The following ASPSCR1 variants were observed in gnomAD, a reference collection of about 807,000 sequenced individuals.
The protein encoded by ASPSCR1 is tether containing UBX domain for GLUT4.
ASPSCR1 carries 55 observed loss-of-function variants against 68.9 expected under a neutral mutation model. The observed-to-expected ratio is 0.80, with a 90% CI of 0.64 to 1.00. The LOEUF (loss-of-function observed/expected upper bound fraction) is 1.00. Among genes scored for constraint, ASPSCR1 ranks in the 50% least tolerant of loss-of-function variants. The pLI, the probability that ASPSCR1 is intolerant of heterozygous loss-of-function variation, is 0.00. For synonymous variants in ASPSCR1, 352 were observed against 332.6 expected (o/e 1.06, Z -0.63); for missense variants, 765 against 762.2 (o/e 1.00, Z -0.04).
chr17:82,003,709 G>A (rs1172631079), intron 7 of ASPSCR1, among the ~76,000 whole-genome samples: 2 of 152,252 alleles, frequency 1.3e-5, no homozygotes, highest in African/African-American at 2.4e-5. Flanking sequence ...TCCCGCCTGC[G>A]TCCTTTGTGC....
In ASPSCR1 at chr17:81,996,565, G is replaced by A. The variant is rs1356078688; in HGVS notation, c.652G>A (p.Ala218Thr). 25 of 1,612,842 alleles carry A rather than the reference G, an allele frequency of 1.6e-5. No homozygotes were observed. Among genetic ancestry groups the A allele is most frequent in the Admixed American group, 3.3e-5 (2 of 59,956 alleles). Residue 218 changes from alanine (A) to threonine (T), a missense_variant, in exon 7 of 16, where the codon GCG becomes ACG. By Grantham distance (58) the Ala-to-Thr change is moderately conservative. Coordinates refer to ENST00000306739, the MANE Select transcript of ASPSCR1 (RefSeq NM_024083.4). The part of the protein sequence containing the change: ...SRGDLSRPED[A>T]DTSGPCCEHT... ...CGGCGACTTGAGCCGTCCGGAGGAC[G>A]CGGACACCTCAGGGCCCTGCTGCGA...
At position 81,983,871 on chromosome 17, in the gene ASPSCR1, T is replaced by A. The variant is rs2041878153; in HGVS notation, c.273+203T>A. On this transcript the variant is annotated intron_variant, in intron 3 of 15. Transcript: ENST00000306739. This position sits in a 1 kb window ranked among gnomAD's most constrained non-coding sequence, Gnocchi z 4.4. ...AAAATGAGCATCTCATGTTTTTTTT[T>A]TTTTGAGCTGGAGTCTCGCTCTGTC... Among the ~76,000 whole-genome samples the A allele has an allele frequency of 6.6e-6, 1 of 151,826 alleles. No homozygotes were observed. The highest frequency in any genetic ancestry group is 1.9e-4 in the East Asian group (1 of 5,150).
chr17:82,014,972 C>A, intron 12 of ASPSCR1: 1 of 1,321,218 alleles, frequency 7.6e-7, no homozygotes, highest in African/African-American at 1.5e-5. Flanking sequence ...CATCCTGGGA[C>A]AGTGCTGGTG....
At chr17:81,993,301 C>T (rs1369195411) in intron 4 of ASPSCR1, among the ~76,000 whole-genome samples, 1 of 152,142 alleles carries the variant, frequency 6.6e-6, no homozygotes, top group Non-Finnish European at 1.5e-5. Context: ...GCAAGCTCCA[C>T]CTCCTGGGTT....
At chr17:82,002,075 A>G (rs2042554789) in intron 7 of ASPSCR1, among the ~76,000 whole-genome samples, 1 of 126,988 alleles carries the variant, frequency 7.9e-6, no homozygotes, top group South Asian at 2.3e-4. Context: ...GGGCACAATT[A>G]CGGCTCACAG....
At chr17:81,984,847 A>G (rs1197705207) in intron 3 of ASPSCR1, among the ~76,000 whole-genome samples, 1 of 88,508 alleles carries the variant, frequency 1.1e-5, no homozygotes, top group African/African-American at 4.6e-5. Flanking sequence ...ACCCCTGCAC[A>G]CACCCCACAC....
At chr17:82,015,468 C>T (rs573970675) in intron 12 of ASPSCR1, 8 of 1,364,836 alleles carry the variant, frequency 5.9e-6, no homozygotes, top group Admixed American at 4.8e-5. Context: ...GAGTCCTGCC[C>T]GCCCCTTTCT....
At chr17:82,001,603 C>T (rs1268288913) in intron 7 of ASPSCR1, among the ~76,000 whole-genome samples, 1 of 152,176 alleles carries the variant, frequency 6.6e-6, no homozygotes, top group Non-Finnish European at 1.5e-5. Context: ...GGGGTGGATG[C>T]TCGCCACTGG....
At chr17:81,980,128 G>C (rs951326689) in intron 2 of ASPSCR1, among the ~76,000 whole-genome samples, 3 of 152,140 alleles carry the variant, frequency 2.0e-5, no homozygotes, top group Non-Finnish European at 2.9e-5. Context: ...GATTAGAGGT[G>C]CTCACCAACA....
At chr17:82,010,264 T>C (rs954633367) in intron 9 of ASPSCR1, among the ~76,000 whole-genome samples, 3 of 147,844 alleles carry the variant, frequency 2.0e-5, no homozygotes, top group African/African-American at 2.5e-5. Context: ...GCGTGGTGGC[T>C]CACGCCTGTA....
In ASPSCR1 at chr17:81,983,208, G is replaced by T. The variant is rs561407605; in HGVS notation, c.159-346G>T. ...GGGTCTGTGACACTCCAGCTTCCGCGAGTGCAGCAGTGTTCACGCCCCAGT... is the reference window on the plus strand; with the variant it reads ...GGGTCTGTGACACTCCAGCTTCCGCTAGTGCAGCAGTGTTCACGCCCCAGT... On this transcript the variant is annotated intron_variant, in intron 2 of 15. Coordinates refer to ENST00000306739, the MANE Select transcript of ASPSCR1 (RefSeq NM_024083.4). This position sits in a 1 kb window ranked among gnomAD's most constrained non-coding sequence, Gnocchi z 4.4. 3.2e-4 allele frequency among the ~76,000 whole-genome samples: 48 copies of T among 152,336 alleles called. No individual in the cohort carries two copies. The highest frequency in any genetic ancestry group is 1.0e-3 in the Admixed American group (16 of 15,288).
rs375570693 is a variant in ASPSCR1, at chr17:81,979,203, G to A, written c.122G>A (p.Arg41Gln). 38 of 1,613,988 alleles carry A rather than the reference G, an allele frequency of 2.4e-5. No individual in the cohort carries two copies. Among genetic ancestry groups the A allele is most frequent in the Middle Eastern group, 1.6e-4 (1 of 6,082 alleles). ...VLLQVLEDTC[R>Q]RQDFNPCEYD... is the part of the protein sequence containing the mutation. ...CCCCAGGTTCTGGAGGACACGTGCC[G>A]GCGGCAGGACTTCAACCCCTGTGAA... is the stretch of plus-strand genomic sequence containing the variant. The change falls in exon 2 of 16, where the codon CGG becomes CAG. Residue 41 changes from arginine to glutamine, a missense_variant. Transcript: ENST00000306739.
chr17:81,981,194 C>T (rs2041783757), intron 2 of ASPSCR1, among the ~76,000 whole-genome samples: 2 of 152,058 alleles, frequency 1.3e-5, no homozygotes, highest in African/African-American at 4.8e-5. Flanking sequence ...CAGATACCAG[C>T]CCAGGGGTCT....
chr17:81,979,100 C>A, intron 1 of ASPSCR1, 84 bp from the exon 2 acceptor site: 1 of 1,457,658 alleles, frequency 6.9e-7, no homozygotes, highest in Non-Finnish European at 9.6e-7. Context: ...CACCAGGAAG[C>A]TGAATGCCCT....
intron 10 of ASPSCR1, among the ~76,000 whole-genome samples, chr17:82,011,224 C>T (rs923491542): frequency 1.3e-5 from 2 of 151,868 alleles, no homozygotes; most frequent in Non-Finnish European, 2.9e-5. Context: ...GTGACCTGTA[C>T]CCAGACGGCC....
intron 12 of ASPSCR1, chr17:82,015,207 T>G: frequency 6.3e-7 from 1 of 1,598,246 alleles, no homozygotes; most frequent in Non-Finnish European, 8.5e-7. Context: ...GCTTCTTTTT[T>G]GGGGTCCATC....
In ASPSCR1 at chr17:81,999,221, C is replaced by T. The variant is rs1291638507; in HGVS notation, c.933+2375C>T. Among the ~76,000 whole-genome samples, 1 of 152,236 alleles carries T rather than the reference C, an allele frequency of 6.6e-6. No homozygotes were observed. Among genetic ancestry groups the T allele is most frequent in the Non-Finnish European group, 1.5e-5 (1 of 68,038 alleles). On this transcript the variant is annotated intron_variant, in intron 7 of 15. Transcript: ENST00000306739. This position sits in a 1 kb window ranked among gnomAD's most constrained non-coding sequence, Gnocchi z 4.4. Reference sequence around the variant, plus strand: ...GCCCCTGTGTCCCCTGAGGGCCAGGCTGCCAGCTGCCAGCCACAGCCCAGG... The same window carrying T: ...GCCCCTGTGTCCCCTGAGGGCCAGGTTGCCAGCTGCCAGCCACAGCCCAGG...
chr17:82,011,751 C>G, intron 11 of ASPSCR1, 146 bp downstream of exon 11: 1 of 888,824 alleles, frequency 1.1e-6, no homozygotes, highest in South Asian at 1.6e-5. Flanking sequence ...CTCCTGCAGC[C>G]CATGGTGTCT....
chr17:81,989,921 G>A (rs952104569), intron 4 of ASPSCR1, among the ~76,000 whole-genome samples: 1 of 152,210 alleles, frequency 6.6e-6, no homozygotes, highest in Non-Finnish European at 1.5e-5. Context: ...CTGAGTAGCT[G>A]GGATTACTGG....
Sources: gnomAD v4.1 joint callset for allele counts (sites outside exome capture counted in the v4.1 genomes callset) on GRCh38, gnomAD v4.1.1 for gene constraint, Gnocchi (gnomAD v3.1) non-coding constraint, MANE v1.5 for transcripts, NCBI Gene and HGNC (gene_info 2026-07-23, HGNC 2026-07-21) for gene names.